Variants in SCHIP1 observed in about 807,000 individuals in gnomAD.
The protein encoded by SCHIP1 is schwannomin interacting protein 1.
A neutral mutation model predicts 29.7 loss-of-function variants in SCHIP1; 8 were observed. The observed-to-expected ratio is 0.27, with a 90% CI of 0.16 to 0.49. The LOEUF is 0.49. Ranked by LOEUF, SCHIP1 falls within the 20% of genes least tolerant of loss-of-function variation. The pLI is 0.99. For missense variants in SCHIP1, 193 were observed against 294.6 expected, an observed-to-expected ratio of 0.66 and a Z score of 2.52; for synonymous variants, 76 against 94.9, an observed-to-expected ratio of 0.80 and a Z score of 1.16.
At chr3:159,791,108 G>A in the SCHIP1 span, among the ~76,000 whole-genome samples, 1 of 152,060 alleles carries the variant, frequency 6.6e-6, no homozygotes, top group African/African-American at 2.4e-5. Context: ...GGGATAAGGT[G>A]GCCCTGGAAC....
At chr3:159,405,147 A>G in the SCHIP1 span, among the ~76,000 whole-genome samples, 2 of 152,150 alleles carry the variant, frequency 1.3e-5, no homozygotes, top group Non-Finnish European at 2.9e-5. Context: ...GTCTTTGAAC[A>G]CCCGAAAGCC....
the SCHIP1 span, among the ~76,000 whole-genome samples, chr3:159,586,865 G>C: frequency 6.6e-6 from 1 of 152,112 alleles, no homozygotes; most frequent in Admixed American, 6.6e-5. Context: ...TAAACAAAGC[G>C]GCCCAACTAA....
the SCHIP1 span, among the ~76,000 whole-genome samples, chr3:159,800,391 C>T: frequency 6.6e-6 from 1 of 152,128 alleles, no homozygotes; most frequent in Non-Finnish European, 1.5e-5. Flanking sequence ...TTGGGGCTGC[C>T]CCCTCCCTCA....
chr3:159,701,237 C>G, the SCHIP1 span, among the ~76,000 whole-genome samples: 121 of 152,164 alleles, frequency 8.0e-4, no homozygotes, highest in Middle Eastern at 3.4e-3. Context: ...ACATTTTTGT[C>G]ATTTTCATTA....
the SCHIP1 span, among the ~76,000 whole-genome samples, chr3:159,378,663 C>T: frequency 6.6e-6 from 1 of 152,158 alleles, no homozygotes; most frequent in African/African-American, 2.4e-5. Context: ...TCTCAGGAAG[C>T]CTCTTAGCTC....
chr3:159,793,627 G>A, the SCHIP1 span, among the ~76,000 whole-genome samples: 71 of 152,182 alleles, frequency 4.7e-4, no homozygotes, highest in South Asian at 1.5e-3. Flanking sequence ...GTGTCATCTC[G>A]TCTCACTGCA....
chr3:159,427,718 A>G, the SCHIP1 span, among the ~76,000 whole-genome samples: 23 of 152,144 alleles, frequency 1.5e-4, no homozygotes, highest in Non-Finnish European at 3.4e-4. Context: ...TGGAACCAAA[A>G]AAGAGCCCGC....
At chr3:159,301,561 A>G in the SCHIP1 span, among the ~76,000 whole-genome samples, 6 of 152,114 alleles carry the variant, frequency 3.9e-5, no homozygotes, top group Non-Finnish European at 8.8e-5. Context: ...TAATCCCCAC[A>G]TGTCAGAAGA....
At chr3:159,650,450 A>G in the SCHIP1 span, among the ~76,000 whole-genome samples, 1 of 152,192 alleles carries the variant, frequency 6.6e-6, no homozygotes, top group African/African-American at 2.4e-5. Flanking sequence ...AGGTAGTGAG[A>G]AAAGATGTAG....
the SCHIP1 span, among the ~76,000 whole-genome samples, chr3:159,484,161 T>A: frequency 2.9e-4 from 44 of 152,162 alleles, no homozygotes; most frequent in Non-Finnish European, 5.9e-4. Context: ...CTCCAATTAG[T>A]TGAAAATTAT....
the SCHIP1 span, among the ~76,000 whole-genome samples, chr3:159,769,403 T>C: frequency 1.3e-5 from 2 of 152,218 alleles, no homozygotes; most frequent in African/African-American, 4.8e-5. Context: ...CCTCCATGTC[T>C]AGCCTGTTCC....
At chr3:159,673,937 T>G in the SCHIP1 span, among the ~76,000 whole-genome samples, 2 of 152,188 alleles carry the variant, frequency 1.3e-5, no homozygotes, top group Non-Finnish European at 2.9e-5. Context: ...GTTCCCAGTA[T>G]GCTGCTCTCT....
the SCHIP1 span, among the ~76,000 whole-genome samples, chr3:159,557,905 G>A: frequency 7.2e-5 from 11 of 152,312 alleles, no homozygotes; most frequent in South Asian, 6.2e-4. Flanking sequence ...CAGGTCTTTC[G>A]TGCAAACGAG....
At chr3:159,565,971 CT>C in the SCHIP1 span, among the ~76,000 whole-genome samples, 1 of 152,104 alleles carries the variant, frequency 6.6e-6, no homozygotes, top group Admixed American at 6.6e-5. Flanking sequence ...TGACTGAGAA[CT>C]TTTGCATTCA....
chr3:159,425,445 A>C, the SCHIP1 span, among the ~76,000 whole-genome samples: 1 of 151,966 alleles, frequency 6.6e-6, no homozygotes, highest in Admixed American at 6.6e-5. Flanking sequence ...GAGACAAAGA[A>C]GGCCATTACA....
the SCHIP1 span, among the ~76,000 whole-genome samples, chr3:159,567,573 TTTG>T: frequency 6.6e-6 from 1 of 152,160 alleles, no homozygotes; most frequent in Non-Finnish European, 1.5e-5. Flanking sequence ...AGCGCTATAA[TTTG>T]TTAAGCTCCA....
chr3:159,753,298 A>G, the SCHIP1 span, among the ~76,000 whole-genome samples: 1 of 152,220 alleles, frequency 6.6e-6, no homozygotes, highest in Non-Finnish European at 1.5e-5. Flanking sequence ...TCTACTTGTC[A>G]TCTCCACTTG....
the SCHIP1 span, among the ~76,000 whole-genome samples, chr3:159,337,930 C>T: frequency 3.3e-5 from 5 of 152,244 alleles, no homozygotes; most frequent in African/African-American, 9.6e-5. Flanking sequence ...CTTTGTTTAC[C>T]ATGGGTCTGC....
At chr3:159,785,906 C>G in the SCHIP1 span, among the ~76,000 whole-genome samples, 1 of 152,108 alleles carries the variant, frequency 6.6e-6, no homozygotes, top group Non-Finnish European at 1.5e-5. Context: ...GTCGAAACAT[C>G]AGATTTATTT....
Sources: gnomAD v4.1 joint callset for allele counts (sites outside exome capture counted in the v4.1 genomes callset) on GRCh38, gnomAD v4.1.1 for gene constraint, MANE v1.5 for transcripts, NCBI Gene and HGNC (gene_info 2026-07-23, HGNC 2026-07-21) for gene names.